CSMD1: variants seen among roughly 807,000 people sequenced by gnomAD.
CSMD1 encodes CUB and Sushi multiple domains 1.
Under a neutral mutation model 417.5 loss-of-function variants are expected in CSMD1, and 213 were observed. The observed-to-expected ratio is 0.51, with a 90% CI of 0.46 to 0.57. The LOEUF (loss-of-function observed/expected upper bound fraction) is 0.57, where lower values mean the gene tolerates loss of function less well. Among genes scored for constraint, CSMD1 ranks in the 20% least tolerant of loss-of-function variants. The probability of loss-of-function intolerance (pLI) is 0.00; values close to 1 mark genes in which losing one functional copy is unlikely to be tolerated. For missense variants in CSMD1, 6,923 were observed against 4,529.7 expected, an observed-to-expected ratio of 1.53 and a Z score of -15.17; for synonymous variants, 2,862 against 1,736.8, an observed-to-expected ratio of 1.65 and a Z score of -16.11.
chr8:4,487,871 A>C (rs557594159), intron 2 of CSMD1, among the ~76,000 whole-genome samples: 58 of 152,334 alleles, frequency 3.8e-4, no homozygotes, highest in African/African-American at 1.3e-3. Flanking sequence ...AAAACCAGAC[A>C]CTTAAGATTG....
intron 1 of CSMD1, among the ~76,000 whole-genome samples, chr8:4,762,617 C>T (rs1365649164): frequency 6.6e-6 from 1 of 151,986 alleles, no homozygotes; most frequent in Non-Finnish European, 1.5e-5. Context: ...AGTGATGGGC[C>T]CCGCATTTGC....
intron 3 of CSMD1, among the ~76,000 whole-genome samples, chr8:4,312,006 G>C (rs1478166610): frequency 6.6e-6 from 1 of 151,984 alleles, no homozygotes; most frequent in Non-Finnish European, 1.5e-5. Context: ...AAAAAGAAAT[G>C]CATTGCTATG....
intron 3 of CSMD1, among the ~76,000 whole-genome samples, chr8:4,416,023 T>G (rs1796918474): frequency 1.3e-5 from 2 of 152,216 alleles, no homozygotes; most frequent in South Asian, 4.1e-4. Flanking sequence ...ATAGATCACC[T>G]TATTTCACTT....
At position 3,262,224 on chromosome 8, in the gene CSMD1, T is replaced by A. The variant is rs1235041023; in HGVS notation, c.4153+21920A>T. The stretch of plus-strand genomic sequence containing the variant: ...ATATATATATATATATATATATATA[T>A]ATATATACACACACATAGTTAATTT... On this transcript the variant is annotated intron_variant, in intron 26 of 69. Coordinates refer to ENST00000635120, the MANE Select transcript of CSMD1 (RefSeq NM_033225.6). Among the ~76,000 whole-genome samples the A allele has an allele frequency of 1.7e-5, 2 of 114,366 alleles. 1 individual carries two copies. The highest frequency in any genetic ancestry group is 6.8e-5 in the African/African-American group (2 of 29,626). 75.0% of individuals were successfully genotyped at this position (114,366 alleles called of 152,430 possible). A position where few individuals can be genotyped will look rare whatever the true frequency, so the allele number is the denominator to read the frequency against.
chr8:3,547,623 T>C (rs1013688020), intron 10 of CSMD1, among the ~76,000 whole-genome samples: 1 of 152,214 alleles, frequency 6.6e-6, no homozygotes, highest in Non-Finnish European at 1.5e-5. Flanking sequence ...TACTATTTTG[T>C]ATTGTTAATA....
intron 26 of CSMD1, among the ~76,000 whole-genome samples, chr8:3,267,273 CCT>C (rs1801502882): frequency 1.3e-5 from 2 of 152,310 alleles, no homozygotes; most frequent in East Asian, 1.9e-4. Flanking sequence ...AGGGAAACCC[CCT>C]GATAGCTTTG....
intron 2 of CSMD1, among the ~76,000 whole-genome samples, chr8:4,531,092 C>A (rs1293665817): frequency 6.6e-6 from 1 of 152,078 alleles, no homozygotes; most frequent in Non-Finnish European, 1.5e-5. Flanking sequence ...ACTGATTAAC[C>A]TGGCTGAATC....
intron 5 of CSMD1, among the ~76,000 whole-genome samples, chr8:3,984,753 T>TATA (rs1563284959): frequency 1.7e-5 from 1 of 58,454 alleles, no homozygotes; most frequent in Non-Finnish European, 3.5e-5. Flanking sequence ...ATATATATAT[T>TATA]TGTATGTATT....
chr8:4,126,647 T>C (rs1278570140), intron 3 of CSMD1, among the ~76,000 whole-genome samples: 1 of 152,176 alleles, frequency 6.6e-6, no homozygotes, highest in East Asian at 1.9e-4. Context: ...TATTTGGTTT[T>C]CTTCTATCTC....
In CSMD1 at chr8:3,167,911, C is replaced by A. The variant is rs1368606496; in HGVS notation, c.5726-5634G>T. Among the ~76,000 whole-genome samples, 3 of 152,220 alleles carry A rather than the reference C, an allele frequency of 2.0e-5. No homozygotes were observed. The East Asian group carries it at 5.8e-4, about 29-fold the overall frequency. ...TCCAGATAAAAATGATTTTAGAACA[C>A]ATGATAAACATGCAATTTTAATCAA... On this transcript the variant is annotated intron_variant, in intron 37 of 69. Coordinates refer to ENST00000635120, the MANE Select transcript of CSMD1 (RefSeq NM_033225.6).
At chr8:4,397,335 A>G (rs916251173) in intron 3 of CSMD1, among the ~76,000 whole-genome samples, 1 of 152,178 alleles carries the variant, frequency 6.6e-6, no homozygotes, top group Non-Finnish European at 1.5e-5. Flanking sequence ...TCAACTGAAG[A>G]TTATCTTTCC....
intron 5 of CSMD1, among the ~76,000 whole-genome samples, chr8:3,957,810 C>T (rs1386117238): frequency 6.6e-6 from 1 of 152,076 alleles, no homozygotes; most frequent in Non-Finnish European, 1.5e-5. Flanking sequence ...TTTCATAAAG[C>T]TCAGAGGAAA....
At chr8:4,209,989 G>T (rs529312285) in intron 3 of CSMD1, among the ~76,000 whole-genome samples, 1 of 152,248 alleles carries the variant, frequency 6.6e-6, no homozygotes, top group East Asian at 1.9e-4. Context: ...TCTTATGAAA[G>T]GCTGCTTCTG....
At chr8:4,776,961 C>A (rs951002269) in intron 1 of CSMD1, among the ~76,000 whole-genome samples, 8 of 152,046 alleles carry the variant, frequency 5.3e-5, no homozygotes, top group Non-Finnish European at 1.2e-4. Flanking sequence ...TACGAGCTAA[C>A]AATTATTTGT....
chr8:4,432,440 G>A (rs887193187), intron 2 of CSMD1, among the ~76,000 whole-genome samples: 2 of 152,118 alleles, frequency 1.3e-5, no homozygotes, highest in Non-Finnish European at 2.9e-5. Context: ...CTGGTGAAAA[G>A]AAATGGACTA....
Position 4,197,391 on chromosome 8 carries a change from A to G in CSMD1, c.416-165292T>C, listed in dbSNP as rs186411241. 2.0e-5 allele frequency among the ~76,000 whole-genome samples: 3 copies of G among 152,342 alleles called. No individual in the cohort carries two copies. In the South Asian group the frequency reaches 6.2e-4, roughly 32 times the overall value. On this transcript the variant is annotated intron_variant, in intron 3 of 69. Transcript: ENST00000635120. Reference sequence around the variant, plus strand: ...GGTGTGTCTGTGGTGGTGTTTTTACATAAGATGAACATTTCATTTGGTAGA... The same window carrying G: ...GGTGTGTCTGTGGTGGTGTTTTTACGTAAGATGAACATTTCATTTGGTAGA...
At chr8:4,917,411 G>A (rs951073849) in intron 1 of CSMD1, among the ~76,000 whole-genome samples, 21 of 152,156 alleles carry the variant, frequency 1.4e-4, no homozygotes, top group Non-Finnish European at 7.3e-5. Context: ...AAGGTGGGCA[G>A]ACTACAAGGT....
intron 1 of CSMD1, among the ~76,000 whole-genome samples, chr8:4,851,449 T>G (rs1056630315): frequency 2.0e-5 from 3 of 152,074 alleles, no homozygotes; most frequent in Non-Finnish European, 2.9e-5. Context: ...ATTCTTCCCT[T>G]GTCAACCTCT....
intron 3 of CSMD1, among the ~76,000 whole-genome samples, chr8:4,387,940 G>A (rs1439820238): frequency 6.6e-6 from 1 of 151,970 alleles, no homozygotes; most frequent in South Asian, 2.1e-4. Context: ...AACAACAAAG[G>A]ATTTCATGTC....
Sources: allele counts gnomAD v4.1 joint callset (sites outside exome capture counted in the v4.1 genomes callset), GRCh38; gene constraint gnomAD v4.1.1; transcripts MANE v1.5; gene names NCBI Gene and HGNC (gene_info 2026-07-23, HGNC 2026-07-21).